Variants in MAX observed in about 807,000 individuals in gnomAD.
The protein encoded by MAX is protein max.
MAX carries 3 observed loss-of-function variants against 22.3 expected under a neutral mutation model. That is an observed-to-expected ratio of 0.13 (90% CI 0.06 to 0.35). The LOEUF (loss-of-function observed/expected upper bound fraction) is 0.35, where lower values mean the gene tolerates loss of function less well. Ranked by LOEUF, MAX falls within the 10% of genes least tolerant of loss-of-function variation. MAX has a pLI of 1.00. For missense variants in MAX, 119 were observed against 209.4 expected (o/e 0.57, Z 2.66); for synonymous variants, 72 against 77.7 (o/e 0.93, Z 0.39).
At chr14:65,039,598 C>T (rs1030387026) in intron 3 of MAX, among the ~76,000 whole-genome samples, 1 of 152,264 alleles carries the variant, frequency 6.6e-6, no homozygotes, top group East Asian at 1.9e-4. Context: ...TCTCCCATCC[C>T]TATCCTTTGG....
In MAX at chr14:65,062,517, G is replaced by C. The variant is rs543867685; in HGVS notation, c.171+31191C>G. The C allele has an allele frequency of 6.6e-6, 1 of 152,670 alleles. No individual in the cohort carries two copies. The highest frequency in any genetic ancestry group is 2.4e-5 in the African/African-American group (1 of 41,442). The allele number at this position is 152,670 out of a possible 1,614,324, so 9.5% of individuals were successfully genotyped here. On this transcript the variant is annotated intron_variant, in intron 3 of 3. Coordinates refer to the MAX transcript ENST00000341653. The surrounding 1 kb of genome is among the most constrained non-coding windows in gnomAD (Gnocchi z 4.3). ...CTTCATGTAAGCAGCTGTGGGCTGC[G>C]GGCAGACAGGAGCTCAGAGATGCAG...
upstream of MAX, chr14:65,102,525 C>T (rs1167139143): frequency 2.8e-5 from 41 of 1,453,052 alleles, no homozygotes; most frequent in Admixed American, 4.8e-5. Context: ...ACTGCAGCAC[C>T]GGATCAACGG....
chr14:65,027,709 T>G lies in MAX; in HGVS notation c.172-21425A>C. 2 of 1,614,222 alleles carry G rather than the reference T, an allele frequency of 1.2e-6. No individual in the cohort carries two copies. The highest frequency in any genetic ancestry group is 1.7e-6 in the Non-Finnish European group (2 of 1,180,046). On this transcript the variant is annotated intron_variant, in intron 3 of 3. Coordinates refer to the MAX transcript ENST00000341653. This position sits in a 1 kb window ranked among gnomAD's most constrained non-coding sequence, Gnocchi z 5.7. Reference sequence around the variant, plus strand: ...TCCCTGTTTCTCAGAGAGAAGCTTCTTCAGTATTTGTACTCCCTGAAGCAA... The same window carrying G: ...TCCCTGTTTCTCAGAGAGAAGCTTCGTCAGTATTTGTACTCCCTGAAGCAA...
intron 3 of MAX, among the ~76,000 whole-genome samples, chr14:65,018,406 TA>T (rs2061820468): frequency 6.6e-6 from 1 of 152,180 alleles, no homozygotes; most frequent in Admixed American, 6.5e-5. Flanking sequence ...GAAAATAGTT[TA>T]AAAGATTTAA....
In MAX at chr14:65,088,989, A is replaced by C. The variant is rs8181937; in HGVS notation, c.171+4719T>G. 0.28 allele frequency among the ~76,000 whole-genome samples: 41,908 copies of C among 151,948 alleles called. 6,449 individuals are homozygous for C. The highest frequency in any genetic ancestry group is 0.35 in the Non-Finnish European group (23,557 of 67,868). On this transcript the variant is annotated intron_variant, in intron 3 of 4. Coordinates refer to ENST00000358664, the MANE Select transcript of MAX (RefSeq NM_002382.5). The surrounding 1 kb of genome is among the most constrained non-coding windows in gnomAD (Gnocchi z 5.2). ...ATGGAAATGAAACTGAGATTAACTC[A>C]ATGTAAAGCTCTTATCTGATGCTCA...
chr14:65,015,184 C>A (rs2061746951), intron 3 of MAX, among the ~76,000 whole-genome samples: 1 of 151,500 alleles, frequency 6.6e-6, no homozygotes, highest in African/African-American at 2.4e-5. Flanking sequence ...CTCACTGCAA[C>A]CTCTGCCTCC....
chr14:65,021,876 C>T (rs1881893328), intron 3 of MAX: 1 of 453,938 alleles, frequency 2.2e-6, no homozygotes, highest in African/African-American at 2.0e-5. Context: ...AAACTCCTGG[C>T]CTTAAGTGAT....
In MAX at chr14:65,027,584, A is replaced by C. The variant is rs1009989307; in HGVS notation, c.172-21300T>G. The C allele has an allele frequency of 6.2e-7, 1 of 1,614,226 alleles. No individual in the cohort carries two copies. The highest frequency in any genetic ancestry group is 8.5e-7 in the Non-Finnish European group (1 of 1,180,032). ...TGCATCATTGGCACCGAGGAGGCCT[A>C]TGACATCATTAACAGGTACAGTGAA... On this transcript the variant is annotated intron_variant, in intron 3 of 3. Coordinates refer to the MAX transcript ENST00000341653. The surrounding 1 kb of genome is among the most constrained non-coding windows in gnomAD (Gnocchi z 5.7).
chr14:65,034,966 C>T (rs1049139456), intron 3 of MAX, among the ~76,000 whole-genome samples: 2 of 152,228 alleles, frequency 1.3e-5, no homozygotes, highest in East Asian at 1.9e-4. Flanking sequence ...TGGTCAGACT[C>T]AAGCTACAAA....
At chr14:65,040,710 C>T in intron 3 of MAX, 1 of 1,314,536 alleles carries the variant, frequency 7.6e-7, no homozygotes, top group Non-Finnish European at 9.9e-7. Flanking sequence ...TGAACTTTTT[C>T]TCTGCCACCT....
chr14:65,054,061 A>G lies in MAX; in HGVS notation c.171+39647T>C, dbSNP rs1229272870. ...AAGGTAAAAAAAGAAAGAAAAGAAA[A>G]AAAATACAGTTCCCACTGCTGGGCA... On this transcript the variant is annotated intron_variant, in intron 3 of 3. Transcript: ENST00000341653. The surrounding 1 kb of genome is among the most constrained non-coding windows in gnomAD (Gnocchi z 4.4). Among the ~76,000 whole-genome samples the G allele has an allele frequency of 2.0e-5, 3 of 152,188 alleles. No individual in the cohort carries two copies. The highest frequency in any genetic ancestry group is 7.2e-5 in the African/African-American group (3 of 41,450).
chr14:65,076,941 C>A lies in MAX; in HGVS notation c.296-278G>T. The stretch of plus-strand genomic sequence containing the variant: ...TGTCACCGTCCTGCCGTGGAAGCCC[C>A]GTGGAGAGACTGGAGCGTGAGCTCC... On this transcript the variant is annotated intron_variant, in intron 4 of 4. Coordinates refer to ENST00000358664, the MANE Select transcript of MAX (RefSeq NM_002382.5). The surrounding 1 kb of genome is among the most constrained non-coding windows in gnomAD (Gnocchi z 6.6). The A allele has an allele frequency of 1.7e-6, 1 of 572,924 alleles. No individual in the cohort carries two copies. The highest frequency in any genetic ancestry group is 3.1e-6 in the Non-Finnish European group (1 of 320,434). The allele number at this position is 572,924 out of a possible 1,614,324, so 35.5% of individuals were successfully genotyped here. A position where few individuals can be genotyped will look rare whatever the true frequency, so the allele number is the denominator to read the frequency against.
At chr14:65,068,232 C>T (rs545504248) in intron 3 of MAX, among the ~76,000 whole-genome samples, 41 of 152,144 alleles carry the variant, frequency 2.7e-4, no homozygotes, top group African/African-American at 9.4e-4. Flanking sequence ...GTCAGGAGTT[C>T]GAGACCAGCC....
intron 3 of MAX, among the ~76,000 whole-genome samples, chr14:65,050,910 AT>A (rs2062592190): frequency 6.6e-6 from 1 of 152,256 alleles, no homozygotes; most frequent in Non-Finnish European, 1.5e-5. Context: ...AGCATTCCTC[AT>A]AATGGCAAGG....
chr14:65,044,295 A>G lies in MAX; in HGVS notation c.172-38011T>C. The G allele has an allele frequency of 6.2e-7, 1 of 1,611,972 alleles. No individual in the cohort carries two copies. The highest frequency in any genetic ancestry group is 1.1e-5 in the South Asian group (1 of 90,518). ...CTTTTAGCCTACAACTGCCTTTCCCATCTGTGTCTCCTCAGCAATGGGTGA... is the reference window on the plus strand; with the variant it reads ...CTTTTAGCCTACAACTGCCTTTCCCGTCTGTGTCTCCTCAGCAATGGGTGA... On this transcript the variant is annotated intron_variant, in intron 3 of 3. Coordinates refer to the MAX transcript ENST00000341653. The surrounding 1 kb of genome is among the most constrained non-coding windows in gnomAD (Gnocchi z 5.5).
chr14:65,070,615 G>T (rs905634961), downstream of MAX, among the ~76,000 whole-genome samples: 1 of 152,222 alleles, frequency 6.6e-6, no homozygotes, highest in Non-Finnish European at 1.5e-5. This position sits in a 1 kb window ranked among gnomAD's most constrained non-coding sequence, Gnocchi z 4.4. Context: ...CATCCTGCTG[G>T]GTGTGTTGTG....
chr14:65,100,582 C>T (rs1188851141), intron 2 of MAX, among the ~76,000 whole-genome samples: 3 of 152,182 alleles, frequency 2.0e-5, no homozygotes, highest in African/African-American at 7.2e-5. Flanking sequence ...TACCCAAGCC[C>T]TCACCTCTTC....
intron 3 of MAX, chr14:65,022,194 C>T (rs1810401302): frequency 2.5e-6 from 1 of 396,378 alleles, no homozygotes; most frequent in Admixed American, 2.6e-5. Context: ...GATGTGATGC[C>T]AGCTCATGCA....
intron 3 of MAX, chr14:65,090,491 C>A (rs545707044): frequency 1.3e-5 from 2 of 152,118 alleles, no homozygotes; most frequent in African/African-American, 2.4e-5. Flanking sequence ...TGATTTTTTT[C>A]CTCAAGAAAA....
Sources: gnomAD v4.1 joint callset for allele counts (sites outside exome capture counted in the v4.1 genomes callset) on GRCh38, gnomAD v4.1.1 for gene constraint, Gnocchi (gnomAD v3.1) non-coding constraint, MANE v1.5 for transcripts, NCBI Gene and HGNC (gene_info 2026-07-23, HGNC 2026-07-21) for gene names.